Variants in KALRN observed in about 807,000 individuals in gnomAD.
KALRN encodes kalirin RhoGEF kinase.
In KALRN, 70 loss-of-function variants were observed where a neutral mutation model predicts 353.7. That is an observed-to-expected ratio of 0.20 (90% CI 0.16 to 0.24). The LOEUF (loss-of-function observed/expected upper bound fraction) is 0.24. Among genes scored for constraint, KALRN ranks in the 10% least tolerant of loss-of-function variants. The pLI, the probability that KALRN is intolerant of heterozygous loss-of-function variation, is 1.00. For missense variants in KALRN, 2,791 were observed against 3,756.7 expected (o/e 0.74, Z 6.72); for synonymous variants, 1,391 against 1,434.8 (o/e 0.97, Z 0.69).
At chr3:124,337,471 C>G (rs1010704008) in intron 9 of KALRN, among the ~76,000 whole-genome samples, 6 of 152,160 alleles carry the variant, frequency 3.9e-5, no homozygotes, top group Non-Finnish European at 8.8e-5. Context: ...GTTGAACCAG[C>G]CTTGCATCCC....
intron 33 of KALRN, among the ~76,000 whole-genome samples, chr3:124,510,777 T>G (rs2065819134): frequency 6.6e-6 from 1 of 152,214 alleles, no homozygotes; most frequent in African/African-American, 2.4e-5. Flanking sequence ...CAATGAGAAC[T>G]GCTCTTGAAC....
intron 10 of KALRN, among the ~76,000 whole-genome samples, chr3:124,355,290 A>G (rs1228177830): frequency 6.6e-6 from 1 of 152,238 alleles, no homozygotes; most frequent in Non-Finnish European, 1.5e-5. Context: ...TATCTAAACC[A>G]GAGAAATAAT....
At chr3:124,105,072 C>G (rs4678083) in intron 1 of KALRN, among the ~76,000 whole-genome samples, 90,870 of 151,898 alleles carry the variant, frequency 0.6, 30,065 homozygotes, top group Non-Finnish European at 0.75. Context: ...TGCATAAAGA[C>G]AACTGGAGAA....
intron 56 of KALRN, among the ~76,000 whole-genome samples, chr3:124,701,618 A>T (rs9877906): frequency 1.3e-3 from 193 of 152,168 alleles, no homozygotes; most frequent in African/African-American, 4.5e-3. Flanking sequence ...AGAAATTTCT[A>T]AAATGTCTTT....
chr3:124,423,463 T>A (rs1474773413), intron 15 of KALRN, among the ~76,000 whole-genome samples: 1 of 152,268 alleles, frequency 6.6e-6, no homozygotes, highest in South Asian at 2.1e-4. Context: ...TCTTGCCATA[T>A]TAAAGTTGAT....
At chr3:124,201,593 A>G (rs968475171) in intron 1 of KALRN, among the ~76,000 whole-genome samples, 3 of 152,214 alleles carry the variant, frequency 2.0e-5, no homozygotes, top group African/African-American at 7.2e-5. Flanking sequence ...AAACATTTAT[A>G]AAGTCTTGGT....
chr3:124,457,510 T>A (rs1306786843), intron 23 of KALRN, among the ~76,000 whole-genome samples: 1 of 152,262 alleles, frequency 6.6e-6, no homozygotes, highest in Admixed American at 6.5e-5. Flanking sequence ...AGGTTTACCT[T>A]TCTGGAGTAC....
chr3:124,146,865 ACT>A (rs1258621645), intron 1 of KALRN, among the ~76,000 whole-genome samples: 4 of 74,204 alleles, frequency 5.4e-5, no homozygotes, highest in African/African-American at 2.1e-4. Context: ...CAATAGAGCG[ACT>A]CTGTCTCAAA....
chr3:124,326,514 G>A (rs1022496671), intron 7 of KALRN, among the ~76,000 whole-genome samples: 14 of 152,202 alleles, frequency 9.2e-5, no homozygotes, highest in African/African-American at 3.4e-4. Flanking sequence ...GATCAAAGGG[G>A]TGAATGTAAA....
intron 51 of KALRN, among the ~76,000 whole-genome samples, chr3:124,685,388 G>A (rs890694340): frequency 6.6e-6 from 1 of 152,084 alleles, no homozygotes; most frequent in Admixed American, 6.6e-5. Context: ...CCTTGCAATT[G>A]CCCTGTGAAG....
At chr3:124,555,491 C>G (rs1386639326) in intron 33 of KALRN, among the ~76,000 whole-genome samples, 1 of 151,626 alleles carries the variant, frequency 6.6e-6, no homozygotes, top group Non-Finnish European at 1.5e-5. Flanking sequence ...ACCTCCCATT[C>G]TCTTTGTTCT....
At chr3:124,329,791 T>C (rs182017543) in intron 7 of KALRN, 70 bp from the exon 8 acceptor site, 5 of 1,542,896 alleles carry the variant, frequency 3.2e-6, no homozygotes, top group Non-Finnish European at 4.4e-6. Context: ...TATCTGACCC[T>C]CTCTCCATAA....
chr3:124,497,969 C>G (rs550399809), intron 33 of KALRN, among the ~76,000 whole-genome samples: 2 of 152,322 alleles, frequency 1.3e-5, no homozygotes, highest in Admixed American at 1.3e-4. Flanking sequence ...GTATGTGGGG[C>G]TGGACTAGAA....
At chr3:124,539,928 G>GT (rs34573335) in intron 33 of KALRN, among the ~76,000 whole-genome samples, 27,672 of 150,230 alleles carry the variant, frequency 0.18, 3,269 homozygotes, top group African/African-American at 0.31. Flanking sequence ...TTTTTGGGGG[G>GT]GGGGACAGGG....
rs2068164820 is a variant in KALRN at position 124,151,928 on chromosome 3, A to G, written c.74-76062A>G. The G allele has an allele frequency of 7.1e-6, 6 of 843,178 alleles. No individual in the cohort carries two copies. In the Admixed American group the frequency reaches 1.2e-4, roughly 16 times the overall value. 52.2% of individuals were successfully genotyped at this position (843,178 alleles called of 1,614,324 possible). On this transcript the variant is annotated intron_variant, in intron 1 of 59. Transcript: ENST00000682506. ...GAGAGCAGGTACTGTTTATTAACTG[A>G]CCAGCTTAGAAAAATAATCATGGTA...
chr3:124,316,765 T>C (rs139551143), intron 6 of KALRN, among the ~76,000 whole-genome samples: 228 of 152,388 alleles, frequency 1.5e-3, no homozygotes, highest in African/African-American at 5.2e-3. Flanking sequence ...CTGACTCTTC[T>C]ACTAAAAGGT....
intron 10 of KALRN, among the ~76,000 whole-genome samples, chr3:124,362,901 G>C (rs1361735426): frequency 2.0e-5 from 3 of 152,156 alleles, no homozygotes; most frequent in African/African-American, 7.2e-5. Context: ...AAAAAATACA[G>C]CTAAGAGAAT....
At chr3:124,430,547 G>T in intron 15 of KALRN, 109 bp from the exon 16 acceptor site, 2 of 1,323,804 alleles carry the variant, frequency 1.5e-6, no homozygotes, top group East Asian at 2.4e-5. Context: ...CTCTCCAACA[G>T]AAGATAAAAG....
chr3:124,386,549 G>C (rs751566650), intron 11 of KALRN, among the ~76,000 whole-genome samples: 8 of 152,112 alleles, frequency 5.3e-5, no homozygotes, highest in African/African-American at 7.2e-5. Context: ...TTCTAGACCA[G>C]ATTCTGCTGC....
Sources: allele counts gnomAD v4.1 joint callset (sites outside exome capture counted in the v4.1 genomes callset), GRCh38; gene constraint gnomAD v4.1.1; transcripts MANE v1.5; gene names NCBI Gene and HGNC (gene_info 2026-07-23, HGNC 2026-07-21).